Variants in LRRC27 observed in about 807,000 individuals in gnomAD.
The protein encoded by LRRC27 is leucine-rich repeat-containing protein 27.
A neutral mutation model predicts 55.0 loss-of-function variants in LRRC27; 57 were observed. The ratio of observed to expected loss-of-function variants is 1.04; its 90% CI spans 0.84 to 1.29. LRRC27 has a LOEUF of 1.29. LRRC27 is among the 50% of genes most tolerant of loss of function. The probability of loss-of-function intolerance (pLI) is 0.00; values close to 1 mark genes in which losing one functional copy is unlikely to be tolerated. For missense variants in LRRC27, 721 were observed against 651.5 expected (o/e 1.11, Z -1.16); for synonymous variants, 278 against 251.9 (o/e 1.10, Z -0.98).
chr10:132,371,654 G>A (rs951753873), intron 10 of LRRC27, among the ~76,000 whole-genome samples: 6 of 152,200 alleles, frequency 3.9e-5, no homozygotes, highest in Non-Finnish European at 8.8e-5. Flanking sequence ...AAATGGCCAC[G>A]TTTCTCAACC....
At chr10:132,364,761 CTCATGCTTACATCTACCT>C (rs2068950499) in intron 9 of LRRC27, among the ~76,000 whole-genome samples, 1 of 147,728 alleles carries the variant, frequency 6.8e-6, no homozygotes, top group Admixed American at 6.7e-5. Flanking sequence ...CACACTTACA[CTCATGCTTACATCTACCT>C]CCACGCCCAC....
At position 132,344,495 on chromosome 10, in the gene LRRC27, C is replaced by T; in HGVS notation, c.401-3C>T. 6.2e-7 allele frequency: 1 copy of T among 1,608,480 alleles called. No homozygotes were observed. Among genetic ancestry groups the T allele is most frequent in the South Asian group, 1.1e-5 (1 of 90,730 alleles). On this transcript the variant is annotated splice_region_variant and splice_polypyrimidine_tract_variant and intron_variant, in intron 4 of 10. Transcript: ENST00000368614. ...CTGACAGTTTTTTTTTCCTCCACTG[C>T]AGGGAGCGTAACCACGCTGAAAGCA...
chr10:132,339,588 G>A (rs2067304335), intron 3 of LRRC27, among the ~76,000 whole-genome samples: 1 of 152,218 alleles, frequency 6.6e-6, no homozygotes, highest in South Asian at 2.1e-4. Context: ...ATGGGAGCCA[G>A]GTGCTCTCTG....
intron 10 of LRRC27, among the ~76,000 whole-genome samples, chr10:132,371,532 C>T (rs927396707): frequency 6.6e-6 from 1 of 152,210 alleles, no homozygotes; most frequent in Non-Finnish European, 1.5e-5. Flanking sequence ...CTTCACTCCT[C>T]AGGATGAGGA....
At chr10:132,344,727 T>G in intron 5 of LRRC27, 77 bp downstream of exon 5, 1 of 1,502,620 alleles carries the variant, frequency 6.7e-7, no homozygotes, top group Middle Eastern at 1.9e-4. Context: ...AGAACCTGTC[T>G]TCTCTTTAAT....
At chr10:132,367,565 A>T (rs1204851789) in intron 10 of LRRC27, among the ~76,000 whole-genome samples, 1 of 152,258 alleles carries the variant, frequency 6.6e-6, no homozygotes, top group Non-Finnish European at 1.5e-5. Flanking sequence ...ACGTTCAAAA[A>T]TCAGCCAATG....
intron 10 of LRRC27, among the ~76,000 whole-genome samples, chr10:132,371,044 G>A (rs955690693): frequency 1.2e-4 from 18 of 152,386 alleles, no homozygotes; most frequent in African/African-American, 1.7e-4. Context: ...ACGCATGTGC[G>A]TGAGACAGTT....
intron 9 of LRRC27, among the ~76,000 whole-genome samples, chr10:132,361,869 A>T (rs1395559320): frequency 6.6e-6 from 1 of 150,620 alleles, no homozygotes; most frequent in African/African-American, 2.5e-5. Flanking sequence ...GTGGGCGCCA[A>T]GGGGAGACGC....
At chr10:132,332,278 C>T (rs1944513680) in intron 1 of LRRC27, 22 bp downstream of exon 1, 1 of 153,160 alleles carries the variant, frequency 6.5e-6, no homozygotes, top group African/African-American at 2.4e-5. Context: ...CGGGTACGGC[C>T]AGCTCGCTGA....
In LRRC27 at chr10:132,377,305, A is replaced by C. The variant is rs2069350589; in HGVS notation, c.*2063A>C. On this transcript the variant is annotated 3_prime_UTR_variant, in exon 11 of 11. Coordinates refer to ENST00000368614, the MANE Select transcript of LRRC27 (RefSeq NM_030626.3). ...CCCATCTCATGTTTTTATTCCCTTT[A>C]TTCTTCTTTTGCTGCTTTCTGATAG... The C allele has an allele frequency of 6.6e-6, 1 of 151,654 alleles. No individual in the cohort carries two copies. Among genetic ancestry groups the C allele is most frequent in the Non-Finnish European group, 1.5e-5 (1 of 67,892 alleles). 9.4% of individuals were successfully genotyped at this position (151,654 alleles called of 1,614,324 possible).
rs1184703135 is a variant in LRRC27, at chr10:132,348,277, T to C, written c.847T>C (p.Leu283=). The change falls in exon 6 of 11, where the codon TTG becomes CTG. Residue 283 remains leucine (L), a synonymous_variant. Transcript: ENST00000368614. This position sits in a 1 kb window ranked among gnomAD's most constrained non-coding sequence, Gnocchi z 4.2. ...VKADVLGDQL[L]TRELPPNLKA... is the part of the protein sequence containing the mutation. ...GGCAGACGTTCTGGGAGATCAGCTC[T>C]TGACGAGGGAATTACCTCCAAATCT... is the stretch of plus-strand genomic sequence containing the variant. 4.3e-6 allele frequency: 7 copies of C among 1,613,946 alleles called. No individual in the cohort carries two copies. Among genetic ancestry groups the C allele is most frequent in the Non-Finnish European group, 5.9e-6 (7 of 1,180,040 alleles).
At chr10:132,333,925 C>T (rs1478956267) in intron 2 of LRRC27, among the ~76,000 whole-genome samples, 191 bp downstream of exon 2, 30 of 152,180 alleles carry the variant, frequency 2.0e-4, no homozygotes, top group Admixed American at 2.0e-3. Flanking sequence ...TGATGGGGAC[C>T]AACCAATGGA....
intron 8 of LRRC27, among the ~76,000 whole-genome samples, chr10:132,360,736 G>A (rs1253901299): frequency 6.6e-6 from 1 of 152,242 alleles, no homozygotes; most frequent in Non-Finnish European, 1.5e-5. Context: ...CTCAGTAAAT[G>A]CTAAATGGAC....
intron 8 of LRRC27, among the ~76,000 whole-genome samples, chr10:132,359,543 C>G (rs1222312708): frequency 6.6e-6 from 1 of 152,184 alleles, no homozygotes; most frequent in African/African-American, 2.4e-5. Flanking sequence ...CTGGGCTGGG[C>G]TGGGCGGGCC....
intron 7 of LRRC27, 25 bp downstream of exon 7, chr10:132,351,778 C>A (rs370928878): frequency 2.5e-5 from 40 of 1,592,186 alleles, no homozygotes; most frequent in Non-Finnish European, 3.0e-5. Context: ...GGTGGGGGTC[C>A]GCACAGCCCG....
At chr10:132,364,375 A>ACCCTTACATCTACCTCCACG (rs1564852924) in intron 9 of LRRC27, among the ~76,000 whole-genome samples, 9 of 95,484 alleles carry the variant, frequency 9.4e-5, no homozygotes, top group Admixed American at 2.0e-4. Flanking sequence ...GCTTACACCC[A>ACCCTTACATCTACCTCCACG]CCCACACTTA....
chr10:132,350,079 T>TGGGCATGGTGAGAGCAGC (rs2067932078), intron 6 of LRRC27, among the ~76,000 whole-genome samples: 1 of 152,184 alleles, frequency 6.6e-6, no homozygotes, highest in Non-Finnish European at 1.5e-5. Flanking sequence ...CAGGGAGCAG[T>TGGGCATGGTGAGAGCAGC]GGGCATGGTG....
intron 7 of LRRC27, among the ~76,000 whole-genome samples, chr10:132,353,947 T>C (rs2068187333): frequency 6.6e-6 from 1 of 152,220 alleles, no homozygotes; most frequent in African/African-American, 2.4e-5. Context: ...TCTGCCAGTT[T>C]CAAGGTACCG....
chr10:132,347,366 G>A (rs1449538025), intron 5 of LRRC27, among the ~76,000 whole-genome samples: 3 of 150,060 alleles, frequency 2.0e-5, no homozygotes, highest in Admixed American at 6.6e-5. Flanking sequence ...GTGTGGGAAG[G>A]TCAGGTGTGT....
Sources: gnomAD v4.1 joint callset for allele counts (sites outside exome capture counted in the v4.1 genomes callset) on GRCh38, gnomAD v4.1.1 for gene constraint, Gnocchi (gnomAD v3.1) non-coding constraint, MANE v1.5 for transcripts, NCBI Gene and HGNC (gene_info 2026-07-23, HGNC 2026-07-21) for gene names.